The following ZNF84 variants were observed in gnomAD, a reference collection of about 807,000 sequenced individuals.
ZNF84 encodes the protein zinc finger protein 84.
Under a neutral mutation model 14.8 loss-of-function variants are expected in ZNF84, and 12 were observed. The ratio of observed to expected loss-of-function variants is 0.81; its 90% CI spans 0.52 to 1.31. The LOEUF is 1.31. Ranked by LOEUF, ZNF84 falls within the 50% of genes most tolerant of loss-of-function variation. The pLI, the probability that ZNF84 is intolerant of heterozygous loss-of-function variation, is 0.00. For synonymous variants in ZNF84, 347 were observed against 291.1 expected, an observed-to-expected ratio of 1.19 and a Z score of -1.96; for missense variants, 859 against 878.6, an observed-to-expected ratio of 0.98 and a Z score of 0.28.
chr12:133,060,932 A>G lies in ZNF84; in HGVS notation c.*2000A>G, dbSNP rs1954252072. ...ATTGAGCTTGATTGCAAACTTAGAA[A>G]AACTCAAGACTTCTCCTTTTATGTT... is the stretch of plus-strand genomic sequence containing the variant. On this transcript the variant is annotated 3_prime_UTR_variant, in exon 5 of 5. Transcript: ENST00000539354. 5.3e-5 allele frequency: 8 copies of G among 152,206 alleles called. No homozygotes were observed. Among genetic ancestry groups the G allele is most frequent in the Non-Finnish European group, 1.5e-5 (1 of 68,044 alleles). 9.4% of individuals were successfully genotyped at this position (152,206 alleles called of 1,614,324 possible).
rs1398529541 is a variant in ZNF84, at chr12:133,058,579, A to T, written c.1864A>T (p.Thr622Ser). Reference sequence around the variant, plus strand: ...GCTAATTAGACATCTGAGAACTCATACAGGAGAAAAACCTTATGAATGCAA... The same window carrying T: ...GCTAATTAGACATCTGAGAACTCATTCAGGAGAAAAACCTTATGAATGCAA... ...SELIRHLRTH[T>S]GEKPYECNEC... Residue 622 changes from threonine (T) to serine (S), a missense_variant, in exon 5 of 5, where the codon ACA (threonine) becomes TCA (serine). Thr to Ser is a moderately conservative substitution (Grantham distance 58, BLOSUM62 1). Coordinates refer to ENST00000539354, the MANE Select transcript of ZNF84 (RefSeq NM_001289971.2). 3.7e-6 allele frequency: 6 copies of T among 1,613,976 alleles called. No homozygotes were observed. The African/African-American group carries it at 6.7e-5, about 18-fold the overall frequency.
Position 133,041,449 on chromosome 12 carries a change from T to C in ZNF84, c.-19T>C, listed in dbSNP as rs1397172070. ...GAACCGATCTCAGCCTTGCTGATCA[T>C]CTCGTACAGCAGCAGAAAATGACCA... is the stretch of plus-strand genomic sequence containing the variant. On this transcript the variant is annotated 5_prime_UTR_variant, in exon 2 of 5. Transcript: ENST00000539354. 6.2e-7 allele frequency: 1 copy of C among 1,613,854 alleles called. No individual in the cohort carries two copies. The highest frequency in any genetic ancestry group is 1.7e-5 in the Admixed American group (1 of 60,010).
chr12:133,054,636 T>TTA (rs34360824), intron 4 of ZNF84, among the ~76,000 whole-genome samples: 1 of 151,490 alleles, frequency 6.6e-6, no homozygotes, highest in Admixed American at 6.6e-5. Context: ...TTTTTTTTTT[T>TTA]AGGTTATAAA....
At position 133,060,240 on chromosome 12, in the gene ZNF84, G is replaced by T. The variant is rs1421284115; in HGVS notation, c.*1308G>T. The stretch of plus-strand genomic sequence containing the variant: ...CTTTTTGTGTTGCATAAAATATCTT[G>T]TAAAAATTAGATGGATAAATGAATT... On this transcript the variant is annotated 3_prime_UTR_variant, in exon 5 of 5. Coordinates refer to ENST00000539354, the MANE Select transcript of ZNF84 (RefSeq NM_001289971.2). 6.6e-6 allele frequency: 1 copy of T among 152,092 alleles called. No individual in the cohort carries two copies. The highest frequency in any genetic ancestry group is 1.5e-5 in the Non-Finnish European group (1 of 68,002). 9.4% of individuals were successfully genotyped at this position (152,092 alleles called of 1,614,324 possible).
chr12:133,039,381 G>A (rs1953846494), intron 1 of ZNF84, among the ~76,000 whole-genome samples: 2 of 152,200 alleles, frequency 1.3e-5, no homozygotes, highest in African/African-American at 2.4e-5. Flanking sequence ...TTTATGTTGT[G>A]TGTGTTTGTG....
chr12:133,050,478 G>T (rs902161484), intron 4 of ZNF84: 2 of 398,488 alleles, frequency 5.0e-6, no homozygotes, highest in Non-Finnish European at 8.8e-6. Context: ...GAGTATTGGC[G>T]ATGCAGTGGC....
At position 133,063,031 on chromosome 12, in the gene ZNF84, T is replaced by A. The variant is rs1019173809; in HGVS notation, c.*4099T>A. On this transcript the variant is annotated 3_prime_UTR_variant, in exon 5 of 5. Coordinates refer to ENST00000539354, the MANE Select transcript of ZNF84 (RefSeq NM_001289971.2). ...TCTAGAAAGCTAGTACTATCTTTTT[T>A]GTCTGTGTAATTTTTGCATCACAAG... 7.2e-5 allele frequency: 50 copies of A among 693,616 alleles called. No homozygotes were observed. The Admixed American group carries it at 1.0e-3, about 14-fold the overall frequency. The allele number at this position is 693,616 out of a possible 1,614,324, so 43.0% of individuals were successfully genotyped here. A position where few individuals can be genotyped will look rare whatever the true frequency, so the allele number is the denominator to read the frequency against.
intron 2 of ZNF84, among the ~76,000 whole-genome samples, chr12:133,046,365 T>TAAA (rs1953979155): frequency 3.6e-4 from 11 of 30,184 alleles, no homozygotes; most frequent in East Asian, 3.8e-3. Flanking sequence ...TTTTTTTTTT[T>TAAA]TTTTTTTTTT....
At chr12:133,054,500 A>G (rs1160512110) in intron 4 of ZNF84, among the ~76,000 whole-genome samples, 6 of 152,312 alleles carry the variant, frequency 3.9e-5, no homozygotes, top group Admixed American at 3.3e-4. Flanking sequence ...TATTTTTAGA[A>G]TGGGAACTTG....
At chr12:133,054,301 C>T (rs1954115010) in intron 4 of ZNF84, among the ~76,000 whole-genome samples, 1 of 152,142 alleles carries the variant, frequency 6.6e-6, no homozygotes, top group Non-Finnish European at 1.5e-5. Context: ...AGGAGGATCT[C>T]TTGAGCCTGG....
rs1954282618 is a variant in ZNF84, at chr12:133,062,574, A to C, written c.*3642A>C. On this transcript the variant is annotated 3_prime_UTR_variant, in exon 5 of 5. Coordinates refer to ENST00000539354, the MANE Select transcript of ZNF84 (RefSeq NM_001289971.2). ...CCCCTGGCCTAACTGCTGATAACCA[A>C]CCATAACCCTTGCAGATGCATGCAT... The C allele has an allele frequency of 6.1e-6, 1 of 164,670 alleles. No homozygotes were observed. The highest frequency in any genetic ancestry group is 2.4e-5 in the African/African-American group (1 of 41,554). The allele number at this position is 164,670 out of a possible 1,614,324, so 10.2% of individuals were successfully genotyped here.
At position 133,058,029 on chromosome 12, in the gene ZNF84, G is replaced by A. The variant is rs1954192592; in HGVS notation, c.1314G>A (p.Lys438=). ...EKPHGCIQCG[K]AFSQKSHLIS... ...CTCATGGATGCATTCAGTGTGGGAA[G>A]GCCTTCTCCCAGAAGTCACATCTCA... The change falls in exon 5 of 5, where the codon AAG becomes AAA. Residue 438 remains lysine, a synonymous_variant. Transcript: ENST00000539354. The A allele has an allele frequency of 7.5e-6, 12 of 1,610,492 alleles. No homozygotes were observed. Among genetic ancestry groups the A allele is most frequent in the African/African-American group, 1.4e-5 (1 of 73,906 alleles).
In ZNF84 at chr12:133,059,001, G is replaced by A. The variant is rs1452391252; in HGVS notation, c.*69G>A. ...AGGAAATGCAATTATGATAACGTTTGTAGACAGTCACGTCATGTTAGGTGT... is the reference window on the plus strand; with the variant it reads ...AGGAAATGCAATTATGATAACGTTTATAGACAGTCACGTCATGTTAGGTGT... On this transcript the variant is annotated 3_prime_UTR_variant, in exon 5 of 5. Coordinates refer to ENST00000539354, the MANE Select transcript of ZNF84 (RefSeq NM_001289971.2). 1.4e-6 allele frequency: 2 copies of A among 1,441,642 alleles called. No homozygotes were observed. The highest frequency in any genetic ancestry group is 1.4e-5 in the African/African-American group (1 of 70,472). 89.3% of individuals were successfully genotyped at this position (1,441,642 alleles called of 1,614,324 possible).
chr12:133,051,806 C>T (rs1954074465), intron 4 of ZNF84, among the ~76,000 whole-genome samples: 2 of 152,088 alleles, frequency 1.3e-5, no homozygotes, highest in African/African-American at 2.4e-5. Context: ...GTTCCTGAAA[C>T]CCATGTTCTC....
Position 133,060,169 on chromosome 12 carries a change from A to T in ZNF84, c.*1237A>T, listed in dbSNP as rs1475545814. 1 of 152,180 alleles carries T rather than the reference A, an allele frequency of 6.6e-6. No individual in the cohort carries two copies. Among genetic ancestry groups the T allele is most frequent in the African/African-American group, 2.4e-5 (1 of 41,436 alleles). The allele number at this position is 152,180 out of a possible 1,614,324, so 9.4% of individuals were successfully genotyped here. ...TATGTAACCCAAATGTCACTATTTT[A>T]ATTTACTGTGATAAAGTATCATGGA... On this transcript the variant is annotated 3_prime_UTR_variant, in exon 5 of 5. Coordinates refer to ENST00000539354, the MANE Select transcript of ZNF84 (RefSeq NM_001289971.2).
chr12:133,052,228 G>T (rs1954082021), intron 4 of ZNF84, among the ~76,000 whole-genome samples: 1 of 152,172 alleles, frequency 6.6e-6, no homozygotes, highest in African/African-American at 2.4e-5. Flanking sequence ...ATCTTTTTCT[G>T]GGGAGGGCTG....
At chr12:133,037,665 G>C (rs974199373) in intron 1 of ZNF84, 120 bp downstream of exon 1, 1 of 152,088 alleles carries the variant, frequency 6.6e-6, no homozygotes, top group African/African-American at 2.4e-5. Context: ...GCGCGCGGAT[G>C]CGGGTCTGGG....
rs1473313370 is a variant in ZNF84, at chr12:133,058,581, A to G, written c.1866A>G (p.Thr622=). Residue 622 remains threonine (T), a synonymous_variant, in exon 5 of 5, where the codon ACA becomes ACG. Transcript: ENST00000539354. ...TAATTAGACATCTGAGAACTCATAC[A>G]GGAGAAAAACCTTATGAATGCAATG... ...SELIRHLRTH[T]GEKPYECNEC... is the part of the protein sequence containing the mutation. The G allele has an allele frequency of 2.2e-5, 35 of 1,614,092 alleles. No homozygotes were observed. Among genetic ancestry groups the G allele is most frequent in the Non-Finnish European group, 2.9e-5 (34 of 1,179,996 alleles).
intron 4 of ZNF84, among the ~76,000 whole-genome samples, chr12:133,051,832 G>A (rs1954075016): frequency 6.6e-6 from 1 of 152,174 alleles, no homozygotes; most frequent in Non-Finnish European, 1.5e-5. Context: ...CCAGCCAGGG[G>A]CCAGTCTTGC....
Sources: gnomAD v4.1 joint callset for allele counts (sites outside exome capture counted in the v4.1 genomes callset) on GRCh38, gnomAD v4.1.1 for gene constraint, MANE v1.5 for transcripts, NCBI Gene and HGNC (gene_info 2026-07-23, HGNC 2026-07-21) for gene names.